The following CASP2 variants were observed in gnomAD, a reference collection of about 807,000 sequenced individuals.
CASP2 encodes the protein caspase-2.
In CASP2, 38 loss-of-function variants were observed where a neutral mutation model predicts 54.4. The observed-to-expected ratio is 0.70, with a 90% confidence interval of 0.54 to 0.92. The LOEUF (loss-of-function observed/expected upper bound fraction) is 0.92, where lower values mean the gene tolerates loss of function less well. Ranked by LOEUF, CASP2 falls within the 40% of genes least tolerant of loss-of-function variation. The pLI is 0.00. For synonymous variants in CASP2, 215 were observed against 216.3 expected (o/e 0.99, Z 0.05); for missense variants, 512 against 579.6 (o/e 0.88, Z 1.20).
intron 6 of CASP2, chr7:143,298,674 C>T (rs1801827469): frequency 6.6e-6 from 1 of 152,082 alleles, no homozygotes; most frequent in Admixed American, 6.6e-5. Flanking sequence ...AGTGGCGGAC[C>T]ACCAGGTTGC....
In CASP2 at chr7:143,291,706, A is replaced by G. The variant is rs776170777; in HGVS notation, c.225+16A>G. 6.2e-7 allele frequency: 1 copy of G among 1,611,366 alleles called. No individual in the cohort carries two copies. The highest frequency in any genetic ancestry group is 1.7e-5 in the Admixed American group (1 of 59,982). On this transcript the variant is annotated intron_variant, in intron 2 of 10. Coordinates refer to ENST00000310447, the MANE Select transcript of CASP2 (RefSeq NM_032982.4). ...GCTCATCCAGGTATCTGGAGGCAAA[A>G]GAGAGAAGATAAATTGATCATGGGG...
chr7:143,299,126 A>AT (rs1054483989), intron 6 of CASP2, among the ~76,000 whole-genome samples: 10 of 148,650 alleles, frequency 6.7e-5, no homozygotes, highest in Non-Finnish European at 7.5e-5. Flanking sequence ...TGCCTGGCTA[A>AT]TTTTTTTTTT....
At chr7:143,303,120 A>T (rs1418951509) in intron 8 of CASP2, 4 of 151,936 alleles carry the variant, frequency 2.6e-5, no homozygotes, top group Non-Finnish European at 5.9e-5. Context: ...AAAAAAAAAG[A>T]TTTAAAAAGT....
At position 143,292,508 on chromosome 7, in the gene CASP2, TTTGAC is replaced by T. The variant is rs139157673; in HGVS notation, c.393+43_393+47del. The stretch of plus-strand genomic sequence containing the variant: ...AATATGGGGTGTTGGGAAGGGTTAG[TTTGAC>T]TGGAAAGGAATTTGTAAGTCAGAGT... On this transcript the variant is annotated intron_variant, in intron 3 of 10. Transcript: ENST00000310447. 2,224 of 1,612,534 alleles carry T rather than the reference TTTGAC, an allele frequency of 1.4e-3. 22 individuals are homozygous for T. In the African/African-American group the frequency reaches 0.027, roughly 19 times the overall value.
At chr7:143,288,684 T>C (rs1330745804) in intron 1 of CASP2, among the ~76,000 whole-genome samples, 155 bp downstream of exon 1, 1 of 152,160 alleles carries the variant, frequency 6.6e-6, no homozygotes, top group Non-Finnish European at 1.5e-5. Flanking sequence ...CCCGAGCCGC[T>C]CCGAGCCTGA....
intron 8 of CASP2, chr7:143,300,988 TC>T: frequency 1.1e-6 from 1 of 940,102 alleles, no homozygotes; most frequent in Non-Finnish European, 1.3e-6. Context: ...GGAGTCAAAT[TC>T]TGACTTCACC....
intron 6 of CASP2, 29 bp downstream of exon 6, chr7:143,294,802 A>G: frequency 6.3e-7 from 1 of 1,584,990 alleles, no homozygotes. Context: ...ATTGACATGT[A>G]AATTAGAGGA....
In CASP2 at chr7:143,294,764, G is replaced by T; in HGVS notation, c.738G>T (p.Gln246His). The T allele has an allele frequency of 6.2e-7, 1 of 1,614,062 alleles. No individual in the cohort carries two copies. The highest frequency in any genetic ancestry group is 1.7e-5 in the Admixed American group (1 of 60,006). ...LGYDVHVLCDQTAQEMQEKLQ... is the reference protein window; with the variant it reads ...LGYDVHVLCDHTAQEMQEKLQ... ...ATGACGTCCATGTTCTATGTGACCAGACTGCACAGGTACCTGAGGTGGGAA... is the reference window on the plus strand; with the variant it reads ...ATGACGTCCATGTTCTATGTGACCATACTGCACAGGTACCTGAGGTGGGAA... The change falls in exon 6 of 11, where the codon CAG becomes CAT. Residue 246 changes from glutamine (Q) to histidine (H), a missense_variant. By Grantham distance (24) the Gln-to-His change is conservative. This residue lies in a region of CASP2 where 417 missense variants were observed against 495.4 expected (regional missense o/e 0.84). Coordinates refer to ENST00000310447, the MANE Select transcript of CASP2 (RefSeq NM_032982.4).
chr7:143,300,907 G>A (rs2116797552), intron 8 of CASP2: 5 of 1,042,682 alleles, frequency 4.8e-6, no homozygotes, highest in Middle Eastern at 4.8e-4. Flanking sequence ...ACTGCAGGAC[G>A]AGGATTAAAA....
intron 6 of CASP2, 79 bp downstream of exon 6, chr7:143,294,852 G>T: frequency 8.0e-7 from 1 of 1,252,168 alleles, no homozygotes; most frequent in Non-Finnish European, 1.1e-6. Flanking sequence ...GTTTGTTCCT[G>T]TGCCTGCTGG....
At chr7:143,295,075 T>C (rs1801702490) in intron 6 of CASP2, among the ~76,000 whole-genome samples, 1 of 152,040 alleles carries the variant, frequency 6.6e-6, no homozygotes, top group Admixed American at 6.6e-5. Flanking sequence ...TCACCCAGGC[T>C]GGAGTGCAAT....
In CASP2 at chr7:143,294,510, T is replaced by C. The variant is rs982737803; in HGVS notation, c.571-87T>C. On this transcript the variant is annotated intron_variant, in intron 5 of 10. Transcript: ENST00000310447. ...CTGGAGGTTAAGAAGAAAAATACGA[T>C]GTCTTTGTTTTCTTGAAATGTCTAA... The C allele has an allele frequency of 1.1e-5, 15 of 1,316,192 alleles. No individual in the cohort carries two copies. The African/African-American group carries it at 1.4e-4, about 13-fold the overall frequency. 81.5% of individuals were successfully genotyped at this position (1,316,192 alleles called of 1,614,324 possible). A position where few individuals can be genotyped will look rare whatever the true frequency, so the allele number is the denominator to read the frequency against.
At position 143,288,381 on chromosome 7, in the gene CASP2, T is replaced by C. The variant is rs1801440846; in HGVS notation, c.-75T>C. 6 of 1,427,494 alleles carry C rather than the reference T, an allele frequency of 4.2e-6. No homozygotes were observed. Among genetic ancestry groups the C allele is most frequent in the African/African-American group, 1.4e-5 (1 of 71,098 alleles). 88.4% of individuals were successfully genotyped at this position (1,427,494 alleles called of 1,614,324 possible). ...GTGCGTCCGCGTCTGAGGGGAGGGATGTGGGGGAAGCGACGGCCCCCGGTT... is the reference window on the plus strand; with the variant it reads ...GTGCGTCCGCGTCTGAGGGGAGGGACGTGGGGGAAGCGACGGCCCCCGGTT... On this transcript the variant is annotated 5_prime_UTR_variant, in exon 1 of 11. It removes an upstream start codon present in the reference 5' UTR. Coordinates refer to ENST00000310447, the MANE Select transcript of CASP2 (RefSeq NM_032982.4).
intron 4 of CASP2, chr7:143,293,010 C>CA: frequency 1.7e-6 from 1 of 586,954 alleles, no homozygotes; most frequent in Non-Finnish European, 3.0e-6. Context: ...GACTCAGTCT[C>CA]AAAAAATAAA....
chr7:143,294,423 T>A, intron 5 of CASP2, 99 bp downstream of exon 5: 2 of 1,050,290 alleles, frequency 1.9e-6, no homozygotes, highest in Non-Finnish European at 1.5e-6. Context: ...CTTTCTGCCT[T>A]ATTAGTCAGA....
intron 1 of CASP2, among the ~76,000 whole-genome samples, chr7:143,289,921 C>T (rs1460254335): frequency 1.3e-5 from 2 of 152,070 alleles, no homozygotes; most frequent in African/African-American, 4.8e-5. Flanking sequence ...CTTAGTTCTC[C>T]CAGTTCTTCC....
chr7:143,303,621 ATT>A (rs368340000), intron 8 of CASP2, 161 bp from the exon 9 acceptor site: 14,445 of 515,564 alleles, frequency 0.028, no homozygotes, highest in East Asian at 0.036. Context: ...GAGAGTAATA[ATT>A]TTTTTTTTTT....
At chr7:143,290,720 C>A (rs4647286) in intron 1 of CASP2, 2 of 152,266 alleles carry the variant, frequency 1.3e-5, no homozygotes, top group Non-Finnish European at 2.9e-5. Flanking sequence ...ATGCCAGTCA[C>A]GTGTCCACAT....
intron 7 of CASP2, 40 bp downstream of exon 7, chr7:143,300,091 C>A (rs747990841): frequency 6.2e-7 from 1 of 1,614,040 alleles, no homozygotes; most frequent in Admixed American, 1.7e-5. Context: ...TGAAACCAGG[C>A]TGCTTTACCT....
Sources: gnomAD v4.1 joint callset for allele counts (sites outside exome capture counted in the v4.1 genomes callset) on GRCh38, gnomAD v4.1.1 for gene constraint, gnomAD v4.1.1 regional missense constraint, MANE v1.5 for transcripts, NCBI Gene and HGNC (gene_info 2026-07-23, HGNC 2026-07-21) for gene names.